The following SMARCB1 variants were observed in gnomAD, a reference collection of about 807,000 sequenced individuals.
The protein encoded by SMARCB1 is SWI/SNF related BAF chromatin remodeling complex subunit B1.
A neutral mutation model predicts 49.0 loss-of-function variants in SMARCB1; 5 were observed. The ratio of observed to expected loss-of-function variants is 0.10; its 90% CI spans 0.05 to 0.21. The LOEUF is 0.21. Among genes scored for constraint, SMARCB1 ranks in the 10% least tolerant of loss-of-function variants. The pLI, the probability that SMARCB1 is intolerant of heterozygous loss-of-function variation, is 1.00. For synonymous variants in SMARCB1, 201 were observed against 200.1 expected (o/e 1.00, Z -0.04); for missense variants, 226 against 509.2 (o/e 0.44, Z 5.35).
chr22:23,797,000 CTTTTTTT>C (rs1166157626), intron 3 of SMARCB1, among the ~76,000 whole-genome samples: 10 of 135,396 alleles, frequency 7.4e-5, no homozygotes, highest in Non-Finnish European at 1.4e-4. Flanking sequence ...GGTTGTTTTT[CTTTTTTT>C]TTTTTTTTTT....
chr22:23,816,078 C>G (rs738799), intron 5 of SMARCB1: 77,628 of 153,246 alleles, frequency 0.51, 21,825 homozygotes, highest in South Asian at 0.64. Context: ...TGCTCTGAGG[C>G]AATTTTTCTT....
Position 23,834,657 on chromosome 22 carries a change from TGG to T in SMARCB1, c.*479_*480del. ...CCCTCCTCTGCCTCAGATTCCCAAG[TGG>T]GCAGGTGGGGGTGAATGGGGCTCCG... is the stretch of plus-strand genomic sequence containing the variant. On this transcript the variant is annotated 3_prime_UTR_variant, in exon 9 of 9. Coordinates refer to ENST00000644036, the MANE Select transcript of SMARCB1 (RefSeq NM_003073.5). The T allele has an allele frequency of 1.1e-6, 1 of 948,066 alleles. No homozygotes were observed. The highest frequency in any genetic ancestry group is 2.6e-5 in the East Asian group (1 of 38,058). The allele number at this position is 948,066 out of a possible 1,614,324, so 58.7% of individuals were successfully genotyped here. A position where few individuals can be genotyped will look rare whatever the true frequency, so the allele number is the denominator to read the frequency against.
chr22:23,831,701 T>C (rs1417249255), intron 7 of SMARCB1, among the ~76,000 whole-genome samples: 19 of 152,154 alleles, frequency 1.2e-4, no homozygotes, highest in Non-Finnish European at 1.0e-4. Context: ...CCAGCTCTTG[T>C]TTAAGAGGAA....
intron 5 of SMARCB1, among the ~76,000 whole-genome samples, chr22:23,814,656 ACT>A (rs756064537): frequency 1.1e-4 from 17 of 149,332 alleles, no homozygotes; most frequent in South Asian, 4.2e-4. Flanking sequence ...CAAGAGTGAA[ACT>A]CTGTCCCAAA....
chr22:23,833,236 G>T (rs1479373455), intron 7 of SMARCB1, among the ~76,000 whole-genome samples: 2 of 152,190 alleles, frequency 1.3e-5, no homozygotes, highest in African/African-American at 4.8e-5. Flanking sequence ...CTGGCACTGT[G>T]GCATCAGCAT....
In SMARCB1 at chr22:23,837,735, G is replaced by C. The variant is rs3177243; in HGVS notation, c.*3555G>C. 235,221 of 1,613,610 alleles carry C rather than the reference G, an allele frequency of 0.15. 18,754 individuals carry two copies. Among genetic ancestry groups the C allele is most frequent in the African/African-American group, 0.26 (19,549 of 74,958 alleles). On this transcript the variant is annotated 3_prime_UTR_variant, in exon 9 of 9. Coordinates refer to ENST00000644036, the MANE Select transcript of SMARCB1 (RefSeq NM_003073.5). ...GCGCCCAAGGCAGGAACGGTGCCTG[G>C]AAAGTGAGCAGGCCGAAGAAGTTGA...
intron 5 of SMARCB1, among the ~76,000 whole-genome samples, chr22:23,810,963 G>A (rs1374211639): frequency 6.6e-6 from 1 of 151,762 alleles, no homozygotes; most frequent in Non-Finnish European, 1.5e-5. Flanking sequence ...CTTGAACCCG[G>A]GAGGTGGAGG....
chr22:23,790,311 A>C lies in SMARCB1; in HGVS notation c.94-1445A>C, dbSNP rs375847964. Among the ~76,000 whole-genome samples, 3 of 152,328 alleles carry C rather than the reference A, an allele frequency of 2.0e-5. No individual in the cohort carries two copies. In the East Asian group the frequency reaches 5.8e-4, roughly 29 times the overall value. On this transcript the variant is annotated intron_variant, in intron 1 of 8. Transcript: ENST00000644036. The stretch of plus-strand genomic sequence containing the variant: ...TAACATAGAGGGGTCTGTGCCCTCT[A>C]TGTGGAAAGCGAGTGACTTGCTGTG...
intron 4 of SMARCB1, 133 bp downstream of exon 4, chr22:23,801,214 G>A (rs1382760253): frequency 3.2e-6 from 4 of 1,252,262 alleles, no homozygotes; most frequent in Non-Finnish European, 3.4e-6. Flanking sequence ...GTACCTCCTC[G>A]CCTTTGAACT....
At chr22:23,793,990 G>A (rs34458243) in intron 3 of SMARCB1, among the ~76,000 whole-genome samples, 1 of 152,102 alleles carries the variant, frequency 6.6e-6, no homozygotes, top group Non-Finnish European at 1.5e-5. Context: ...TGTTGCCCAG[G>A]ATGGAGTGCA....
intron 6 of SMARCB1, chr22:23,818,663 C>T (rs1406922453): frequency 4.4e-5 from 6 of 137,050 alleles, no homozygotes; most frequent in Non-Finnish European, 6.2e-5. Flanking sequence ...CCCCTCCCCC[C>T]ACCCCTGGCA....
Position 23,803,298 on chromosome 22 carries a change from T to C in SMARCB1, c.504T>C (p.Phe168=). ...GTTGCTTCCATTTCACTTTCAGCTT[T>C]GATGACCATGACCCAGCTGTGATCC... The part of the protein sequence containing the change: ...RDKKRTFPLC[F]DDHDPAVIHE... Residue 168 remains phenylalanine, a synonymous_variant, in exon 5 of 9, where the codon TTT becomes TTC. Coordinates refer to ENST00000644036, the MANE Select transcript of SMARCB1 (RefSeq NM_003073.5). 2 of 1,614,194 alleles carry C rather than the reference T, an allele frequency of 1.2e-6. No homozygotes were observed. Among genetic ancestry groups the C allele is most frequent in the Non-Finnish European group, 1.7e-6 (2 of 1,180,046 alleles).
chr22:23,811,667 A>T (rs1172689055), intron 5 of SMARCB1, among the ~76,000 whole-genome samples: 3 of 152,198 alleles, frequency 2.0e-5, no homozygotes, highest in Non-Finnish European at 4.4e-5. Flanking sequence ...AATGCAGCAT[A>T]TCAGAATTTG....
At chr22:23,828,408 C>G (rs2030492069) in intron 7 of SMARCB1, among the ~76,000 whole-genome samples, 1 of 151,592 alleles carries the variant, frequency 6.6e-6, no homozygotes, top group African/African-American at 2.4e-5. Context: ...CCTGTAATCC[C>G]AGCACTTTGG....
intron 7 of SMARCB1, among the ~76,000 whole-genome samples, 186 bp from the exon 8 acceptor site, chr22:23,833,383 GACA>G (rs1335015735): frequency 2.0e-5 from 3 of 152,184 alleles, no homozygotes; most frequent in Non-Finnish European, 4.4e-5. Flanking sequence ...GGGTCATGGC[GACA>G]ACACTTGTTA....
intron 5 of SMARCB1, among the ~76,000 whole-genome samples, chr22:23,806,586 T>A (rs1443513621): frequency 6.6e-6 from 1 of 152,162 alleles, no homozygotes; most frequent in Non-Finnish European, 1.5e-5. Flanking sequence ...GAAGTAGCAG[T>A]ACTTGAGTAG....
chr22:23,837,440 GT>G lies in SMARCB1; in HGVS notation c.*3261del. 1.5e-6 allele frequency: 1 copy of G among 649,476 alleles called. No homozygotes were observed. 40.2% of individuals were successfully genotyped at this position (649,476 alleles called of 1,614,324 possible). ...TCCCATCCTCACTCCCATCAGGACC[GT>G]GCAAGCATCAGTAGATCCGTCCTGA... On this transcript the variant is annotated 3_prime_UTR_variant, in exon 9 of 9. Transcript: ENST00000644036.
chr22:23,789,471 T>G (rs1928235734), intron 1 of SMARCB1, among the ~76,000 whole-genome samples: 1 of 152,240 alleles, frequency 6.6e-6, no homozygotes, highest in African/African-American at 2.4e-5. Flanking sequence ...AAGCTGTGCG[T>G]GGCCAAGTGG....
At chr22:23,825,685 A>G in intron 7 of SMARCB1, 1 of 510,842 alleles carries the variant, frequency 2.0e-6, no homozygotes, top group Non-Finnish European at 3.5e-6. Context: ...GCCTCCACGG[A>G]GCCCTGGCCT....
Sources: gnomAD v4.1 joint callset for allele counts (sites outside exome capture counted in the v4.1 genomes callset) on GRCh38, gnomAD v4.1.1 for gene constraint, MANE v1.5 for transcripts, NCBI Gene and HGNC (gene_info 2026-07-23, HGNC 2026-07-21) for gene names.